Variants in OSBPL6 observed in about 807,000 individuals in gnomAD.
OSBPL6 encodes the protein oxysterol-binding protein-related protein 6.
Under a neutral mutation model 125.8 loss-of-function variants are expected in OSBPL6, and 49 were observed. The observed-to-expected ratio is 0.39, with a 90% CI of 0.31 to 0.49. The LOEUF (loss-of-function observed/expected upper bound fraction) is 0.49. Ranked by LOEUF, OSBPL6 falls within the 20% of genes least tolerant of loss-of-function variation. The probability of loss-of-function intolerance (pLI) is 0.88; values close to 1 mark genes in which losing one functional copy is unlikely to be tolerated. For missense variants in OSBPL6, 986 were observed against 1,135.4 expected (o/e 0.87, Z 1.89); for synonymous variants, 394 against 391.8 (o/e 1.01, Z -0.07).
At chr2:178,201,290 C>A (rs1392794843) in intron 1 of OSBPL6, among the ~76,000 whole-genome samples, 1 of 152,082 alleles carries the variant, frequency 6.6e-6, no homozygotes, top group East Asian at 1.9e-4. Context: ...AAAGTGACAA[C>A]TTGAGAGTGA....
intron 1 of OSBPL6, among the ~76,000 whole-genome samples, chr2:178,238,367 A>T (rs754454847): frequency 6.6e-6 from 1 of 152,134 alleles, no homozygotes; most frequent in Admixed American, 6.5e-5. Context: ...CAGTGATCAG[A>T]TGGTCATGGT....
At chr2:178,292,449 A>T (rs1685371274) in intron 2 of OSBPL6, among the ~76,000 whole-genome samples, 1 of 152,212 alleles carries the variant, frequency 6.6e-6, no homozygotes, top group Admixed American at 6.5e-5. Context: ...GGAAGAAATG[A>T]CTACAAAGAT....
At position 178,328,296 on chromosome 2, in the gene OSBPL6, G is replaced by A; in HGVS notation, c.236G>A (p.Gly79Asp). The change falls in exon 5 of 25, where the codon GGC becomes GAC. Residue 79 changes from glycine (G) to aspartate (D), a missense_variant. Transcript: ENST00000190611. The part of the protein sequence containing the change: ...SWEIIEGLKI[G>D]QTNVQKPDKH... ...GAAATTATAGAAGGGCTGAAAATAG[G>A]CCAAACCAATGTCCAGAAACCAGAC... The A allele has an allele frequency of 6.2e-7, 1 of 1,613,834 alleles. No individual in the cohort carries two copies.
rs1223505019 is a variant in OSBPL6, at chr2:178,271,368, G to A, written c.-350-13559G>A. Among the ~76,000 whole-genome samples, 3 of 152,262 alleles carry A rather than the reference G, an allele frequency of 2.0e-5. No homozygotes were observed. The East Asian group carries it at 5.8e-4, about 29-fold the overall frequency. On this transcript the variant is annotated intron_variant, in intron 1 of 24. Coordinates refer to ENST00000190611, the MANE Select transcript of OSBPL6 (RefSeq NM_032523.4). Reference sequence around the variant, plus strand: ...GGAAATCTAGATGAAGAGAGATACAGCAAGAGGCCTAAGAAATGGGGCAGC... The same window carrying A: ...GGAAATCTAGATGAAGAGAGATACAACAAGAGGCCTAAGAAATGGGGCAGC...
At chr2:178,391,944 G>A (rs896827646) in intron 22 of OSBPL6, among the ~76,000 whole-genome samples, 2 of 152,142 alleles carry the variant, frequency 1.3e-5, no homozygotes, top group South Asian at 2.1e-4. Flanking sequence ...CCAGGAGCTC[G>A]GGATACGTCA....
intron 1 of OSBPL6, among the ~76,000 whole-genome samples, chr2:178,275,384 C>T (rs547191719): frequency 1.4e-4 from 21 of 152,150 alleles, no homozygotes; most frequent in African/African-American, 3.9e-4. Context: ...TGGTGATGGG[C>T]GCCTGTAATC....
At chr2:178,320,111 C>T (rs1688106714) in intron 3 of OSBPL6, 1 of 659,216 alleles carries the variant, frequency 1.5e-6, no homozygotes, top group South Asian at 2.4e-5. Context: ...CTCCTGGACT[C>T]TCATTTTGAG....
chr2:178,400,547 A>T lies in OSBPL6; in HGVS notation c.*4988A>T, dbSNP rs2154122916. The T allele has an allele frequency of 6.6e-6, 1 of 152,246 alleles. No individual in the cohort carries two copies. Among genetic ancestry groups the T allele is most frequent in the Non-Finnish European group, 1.5e-5 (1 of 68,028 alleles). 9.4% of individuals were successfully genotyped at this position (152,246 alleles called of 1,614,324 possible). The stretch of plus-strand genomic sequence containing the variant: ...AGTGTTTCACCCGCCTCAGCCCCCC[A>T]AAGTGCTGGGATTACAGGTGTGAGC... On this transcript the variant is annotated 3_prime_UTR_variant, in exon 25 of 25. Coordinates refer to ENST00000190611, the MANE Select transcript of OSBPL6 (RefSeq NM_032523.4).
At chr2:178,296,234 G>A (rs953273887) in intron 2 of OSBPL6, among the ~76,000 whole-genome samples, 2 of 152,150 alleles carry the variant, frequency 1.3e-5, no homozygotes, top group East Asian at 1.9e-4. Flanking sequence ...CAAGTGACAC[G>A]TTGATCCCAA....
chr2:178,205,178 G>A (rs1285219473), intron 1 of OSBPL6, among the ~76,000 whole-genome samples: 3 of 152,196 alleles, frequency 2.0e-5, no homozygotes, highest in Non-Finnish European at 4.4e-5. Context: ...GCCAGGGTTG[G>A]GATTTGTGTT....
intron 12 of OSBPL6, among the ~76,000 whole-genome samples, chr2:178,352,903 GC>G (rs1160177032): frequency 6.6e-6 from 1 of 152,116 alleles, no homozygotes; most frequent in Non-Finnish European, 1.5e-5. Flanking sequence ...GAAGGATCAG[GC>G]AGCAATATTT....
Position 178,225,562 on chromosome 2 carries a change from G to C in OSBPL6, c.-351+30888G>C, listed in dbSNP as rs113580679. ...TCAGTCAGAGCCCTGGGAGGTAGGGGCTGGTGCATTAGTTTGTTTCCATGC... is the reference window on the plus strand; with the variant it reads ...TCAGTCAGAGCCCTGGGAGGTAGGGCCTGGTGCATTAGTTTGTTTCCATGC... On this transcript the variant is annotated intron_variant, in intron 1 of 24. Coordinates refer to ENST00000190611, the MANE Select transcript of OSBPL6 (RefSeq NM_032523.4). Among the ~76,000 whole-genome samples, 19 of 152,302 alleles carry C rather than the reference G, an allele frequency of 1.2e-4. 1 individual carries two copies. The highest frequency in any genetic ancestry group is 3.8e-4 in the African/African-American group (16 of 41,562).
At chr2:178,246,038 G>A (rs1313397842) in intron 1 of OSBPL6, among the ~76,000 whole-genome samples, 1 of 152,056 alleles carries the variant, frequency 6.6e-6, no homozygotes, top group Non-Finnish European at 1.5e-5. Flanking sequence ...CTGGTCCCTG[G>A]CCCTTTCCTC....
chr2:178,365,537 G>A (rs1402316251), intron 13 of OSBPL6, among the ~76,000 whole-genome samples: 9 of 151,988 alleles, frequency 5.9e-5, no homozygotes, highest in South Asian at 2.1e-4. Context: ...TTAGCTGGGC[G>A]TGGTGGCAGG....
intron 13 of OSBPL6, among the ~76,000 whole-genome samples, chr2:178,370,310 T>G (rs1263029359): frequency 6.6e-6 from 1 of 152,046 alleles, no homozygotes; most frequent in African/African-American, 2.4e-5. Flanking sequence ...ATTAAAACTA[T>G]CAAATAGCTT....
chr2:178,285,842 A>C (rs1445260776), intron 2 of OSBPL6, among the ~76,000 whole-genome samples: 1 of 152,200 alleles, frequency 6.6e-6, no homozygotes, highest in Admixed American at 6.5e-5. Context: ...TCCTCTGCTC[A>C]AACCTTATTT....
intron 2 of OSBPL6, among the ~76,000 whole-genome samples, chr2:178,294,321 C>T (rs1372321475): frequency 6.6e-6 from 1 of 152,062 alleles, no homozygotes; most frequent in Non-Finnish European, 1.5e-5. Context: ...TTTTTAGAAT[C>T]TAAAAAATAT....
Position 178,383,288 on chromosome 2 carries a change from A to T in OSBPL6, c.1875+11A>T. The T allele has an allele frequency of 1.2e-6, 2 of 1,612,570 alleles. No homozygotes were observed. The highest frequency in any genetic ancestry group is 1.7e-6 in the Non-Finnish European group (2 of 1,179,416). On this transcript the variant is annotated intron_variant, in intron 17 of 24. Coordinates refer to ENST00000190611, the MANE Select transcript of OSBPL6 (RefSeq NM_032523.4). ...CCATATGAGCGCATGGTAATAAATA[A>T]CTAACAGAGCAGCGCCCCTCAGGGA...
intron 3 of OSBPL6, among the ~76,000 whole-genome samples, chr2:178,308,425 C>A (rs1413397160): frequency 2.0e-5 from 3 of 152,206 alleles, no homozygotes; most frequent in Non-Finnish European, 4.4e-5. Flanking sequence ...CCTTTCCATT[C>A]TCCTGATTTG....
Sources: gnomAD v4.1 joint callset for allele counts (sites outside exome capture counted in the v4.1 genomes callset) on GRCh38, gnomAD v4.1.1 for gene constraint, MANE v1.5 for transcripts, NCBI Gene and HGNC (gene_info 2026-07-23, HGNC 2026-07-21) for gene names.